The following EIF2A variants were observed in gnomAD, a reference collection of about 807,000 sequenced individuals.
EIF2A encodes the protein 65 kDa eukaryotic translation initiation factor 2A.
Under a neutral mutation model 75.2 loss-of-function variants are expected in EIF2A, and 62 were observed. The ratio of observed to expected loss-of-function variants is 0.82; its 90% CI spans 0.67 to 1.02. The LOEUF (loss-of-function observed/expected upper bound fraction) is 1.02. Ranked by LOEUF, EIF2A falls within the 50% of genes least tolerant of loss-of-function variation. EIF2A has a pLI of 0.00. For synonymous variants in EIF2A, 207 were observed against 239.0 expected, an observed-to-expected ratio of 0.87 and a Z score of 1.23; for missense variants, 611 against 677.7, an observed-to-expected ratio of 0.90 and a Z score of 1.09.
At chr3:150,565,793 T>TA (rs1198980923) in intron 6 of EIF2A, 2 of 143,444 alleles carry the variant, frequency 1.4e-5, no homozygotes, top group African/African-American at 5.2e-5. Flanking sequence ...CCATTCTTTT[T>TA]TTTTTTTTTT....
At chr3:150,572,673 G>C (rs1724607430) in intron 10 of EIF2A, 144 bp downstream of exon 10, 1 of 773,224 alleles carries the variant, frequency 1.3e-6, no homozygotes, top group Non-Finnish European at 2.0e-6. Flanking sequence ...TGGCTAACAT[G>C]CTGAAACCCC....
chr3:150,563,076 T>C (rs191211367), intron 4 of EIF2A, among the ~76,000 whole-genome samples: 1 of 152,300 alleles, frequency 6.6e-6, no homozygotes, highest in East Asian at 1.9e-4. Flanking sequence ...GTTGTGCCAT[T>C]TTCCAAAATA....
chr3:150,585,501 CAA>C lies in EIF2A; in HGVS notation c.*1591_*1592del, dbSNP rs1193749441. The C allele has an allele frequency of 1.4e-5, 2 of 143,206 alleles. No homozygotes were observed. The highest frequency in any genetic ancestry group is 7.3e-5 in the Admixed American group (1 of 13,666). The allele number at this position is 143,206 out of a possible 1,614,324, so 8.9% of individuals were successfully genotyped here. On this transcript the variant is annotated 3_prime_UTR_variant, in exon 14 of 14. Coordinates refer to ENST00000460851, the MANE Select transcript of EIF2A (RefSeq NM_032025.5). ...GCCATTGCACTCCAAGCCTGGGCAACAAGAGTGAAACCGTCTCACACACACAC... is the reference window on the plus strand; with the variant it reads ...GCCATTGCACTCCAAGCCTGGGCAACGAGTGAAACCGTCTCACACACACAC...
At position 150,563,624 on chromosome 3, in the gene EIF2A, T is replaced by C; in HGVS notation, c.392+10T>C. The C allele has an allele frequency of 6.7e-7, 1 of 1,501,482 alleles. No homozygotes were observed. Among genetic ancestry groups the C allele is most frequent in the Non-Finnish European group, 8.9e-7 (1 of 1,122,570 alleles). 93.0% of individuals were successfully genotyped at this position (1,501,482 alleles called of 1,614,324 possible). Reference sequence around the variant, plus strand: ...AAAAAATGCAAAATTGGTAAATAAATGGCTTAAAATACTAATTTTTTACAT... The same window carrying C: ...AAAAAATGCAAAATTGGTAAATAAACGGCTTAAAATACTAATTTTTTACAT... On this transcript the variant is annotated intron_variant, in intron 5 of 13. Coordinates refer to ENST00000460851, the MANE Select transcript of EIF2A (RefSeq NM_032025.5).
intron 12 of EIF2A, 99 bp downstream of exon 12, chr3:150,581,845 T>C: frequency 9.3e-6 from 13 of 1,400,236 alleles, no homozygotes; most frequent in Non-Finnish European, 1.3e-5. Flanking sequence ...ATCTAAGAAG[T>C]TGGTATCAGC....
At chr3:150,546,892 C>T in intron 1 of EIF2A, 62 bp downstream of exon 1, 1 of 1,601,266 alleles carries the variant, frequency 6.2e-7, no homozygotes, top group Non-Finnish European at 8.5e-7. Context: ...TTTGTCTTTG[C>T]CTTTGAGAAC....
At chr3:150,552,239 A>G in intron 1 of EIF2A, 117 bp from the exon 2 acceptor site, 1 of 805,816 alleles carries the variant, frequency 1.2e-6, no homozygotes, top group Non-Finnish European at 2.0e-6. Flanking sequence ...AGTTCAATGA[A>G]ATATTTAATG....
chr3:150,559,244 C>G (rs1437735582), intron 3 of EIF2A, among the ~76,000 whole-genome samples: 1 of 152,086 alleles, frequency 6.6e-6, no homozygotes, highest in African/African-American at 2.4e-5. Context: ...TTAATACTTG[C>G]TTTTTAAAAA....
At chr3:150,553,322 CAA>C (rs201065260) in intron 2 of EIF2A, among the ~76,000 whole-genome samples, 93 of 84,614 alleles carry the variant, frequency 1.1e-3, no homozygotes, top group East Asian at 2.5e-3. Flanking sequence ...GACTCCGTCT[CAA>C]AAAAAAAAAA....
chr3:150,557,735 G>C, intron 2 of EIF2A: 1 of 337,474 alleles, frequency 3.0e-6, no homozygotes, highest in Non-Finnish European at 5.8e-6. Context: ...TCTATAAACT[G>C]AGTGTAAGCT....
In EIF2A at chr3:150,583,921, G is replaced by A. The variant is rs1474536950; in HGVS notation, c.*10G>A. 1 of 1,613,326 alleles carries A rather than the reference G, an allele frequency of 6.2e-7. No individual in the cohort carries two copies. Among genetic ancestry groups the A allele is most frequent in the Non-Finnish European group, 8.5e-7 (1 of 1,179,582 alleles). On this transcript the variant is annotated 3_prime_UTR_variant, in exon 14 of 14. Transcript: ENST00000460851. ...GGAATTGGGTATTTAAAGATTCACG[G>A]AAAGCAAGTTGATGACCAGAAATCA...
At chr3:150,583,357 T>G in intron 13 of EIF2A, 92 bp downstream of exon 13, 1 of 1,258,614 alleles carries the variant, frequency 7.9e-7, no homozygotes, top group Non-Finnish European at 1.1e-6. Context: ...AAAGAGCACA[T>G]GGAGTTTAAA....
intron 2 of EIF2A, among the ~76,000 whole-genome samples, chr3:150,555,254 C>CTTAT (rs1723502513): frequency 6.8e-6 from 1 of 147,100 alleles, no homozygotes; most frequent in South Asian, 2.1e-4. Flanking sequence ...TATTTATTTA[C>CTTAT]TTATTTATTT....
At chr3:150,570,528 T>C (rs1230935944) in intron 9 of EIF2A, among the ~76,000 whole-genome samples, 1 of 149,202 alleles carries the variant, frequency 6.7e-6, no homozygotes, top group Non-Finnish European at 1.5e-5. Flanking sequence ...ATCCTACGGC[T>C]GTACTGCAGT....
chr3:150,577,186 C>T (rs533477187), intron 11 of EIF2A, among the ~76,000 whole-genome samples: 1 of 152,292 alleles, frequency 6.6e-6, no homozygotes, highest in South Asian at 2.1e-4. Flanking sequence ...TATAAAGCTA[C>T]TAATCTCATT....
chr3:150,575,278 C>T (rs907519857), intron 10 of EIF2A, among the ~76,000 whole-genome samples: 6 of 152,086 alleles, frequency 3.9e-5, no homozygotes, highest in African/African-American at 7.2e-5. Context: ...AGAAAACAAG[C>T]GAGGCAACTG....
intron 6 of EIF2A, chr3:150,565,112 G>C (rs767670348): frequency 2.3e-5 from 10 of 441,570 alleles, no homozygotes; most frequent in Non-Finnish European, 4.5e-5. Flanking sequence ...TGTCTTTCAC[G>C]TTTTCCCATA....
At chr3:150,582,544 G>A (rs1725254220) in intron 12 of EIF2A, among the ~76,000 whole-genome samples, 1 of 151,952 alleles carries the variant, frequency 6.6e-6, no homozygotes, top group Non-Finnish European at 1.5e-5. Context: ...TCAATCTCCT[G>A]ACCTCATGAT....
chr3:150,581,507 A>G, intron 11 of EIF2A, 111 bp from the exon 12 acceptor site: 1 of 1,264,234 alleles, frequency 7.9e-7, no homozygotes, highest in Non-Finnish European at 1.1e-6. Context: ...TATAAAATGT[A>G]GATAAAATCA....
Sources: allele counts gnomAD v4.1 joint callset (sites outside exome capture counted in the v4.1 genomes callset), GRCh38; gene constraint gnomAD v4.1.1; transcripts MANE v1.5; gene names NCBI Gene and HGNC (gene_info 2026-07-23, HGNC 2026-07-21).